Variants in ARHGEF28 observed in about 807,000 individuals in gnomAD.
The protein encoded by ARHGEF28 is Rho guanine nucleotide exchange factor 28.
ARHGEF28 carries 152 observed loss-of-function variants against 206.6 expected under a neutral mutation model. That is an observed-to-expected ratio of 0.74 (90% confidence interval 0.64 to 0.84). ARHGEF28 has a LOEUF of 0.84. Among genes scored for constraint, ARHGEF28 ranks in the 40% least tolerant of loss-of-function variants. ARHGEF28 has a pLI of 0.00. For synonymous variants in ARHGEF28, 763 were observed against 776.4 expected, an observed-to-expected ratio of 0.98 and a Z score of 0.29; for missense variants, 2,028 against 2,073.2, an observed-to-expected ratio of 0.98 and a Z score of 0.42.
intron 2 of ARHGEF28, among the ~76,000 whole-genome samples, chr5:73,690,525 C>CA (rs71615796): frequency 0.12 from 2,719 of 23,358 alleles, 497 homozygotes; most frequent in African/African-American, 0.2. Flanking sequence ...TCTGTCTTTA[C>CA]AAAAAAAAAA....
chr5:73,818,775 T>A (rs73118569), intron 9 of ARHGEF28, among the ~76,000 whole-genome samples: 7,882 of 152,296 alleles, frequency 0.052, 484 homozygotes, highest in East Asian at 0.13. Flanking sequence ...TAAATTTTTC[T>A]TTATTTTTGG....
In ARHGEF28 at chr5:73,857,745, T is replaced by C. The variant is rs1759139929; in HGVS notation, c.1880T>C (p.Met627Thr). Residue 627 changes from methionine (M) to threonine (T), a missense_variant, in exon 15 of 36, where the codon ATG becomes ACG. Physicochemically the swap from Met to Thr is moderately conservative, Grantham distance 81. Coordinates refer to ENST00000513042, the MANE Select transcript of ARHGEF28 (RefSeq NM_001177693.2). The part of the protein sequence containing the change: ...YKVSRTFSFL[M>T]NRMTSPRNKS... ...GTGAGTCGAACTTTCAGTTTCCTCA[T>C]GAATAGGATGACTAGCCCTCGGAAT... The C allele has an allele frequency of 1.9e-6, 3 of 1,613,218 alleles. No homozygotes were observed. The highest frequency in any genetic ancestry group is 1.1e-5 in the South Asian group (1 of 90,970).
chr5:73,878,226 A>T (rs1278045401), intron 22 of ARHGEF28, among the ~76,000 whole-genome samples: 1 of 148,738 alleles, frequency 6.7e-6, no homozygotes, highest in Non-Finnish European at 1.5e-5. Context: ...AGTCTGTTTT[A>T]TCCGAGATTA....
At chr5:73,665,060 A>T (rs1397097376) in intron 1 of ARHGEF28, among the ~76,000 whole-genome samples, 4 of 152,076 alleles carry the variant, frequency 2.6e-5, no homozygotes, top group African/African-American at 9.7e-5. Context: ...TCTGTATGAC[A>T]TTGCTTTCAC....
intron 7 of ARHGEF28, chr5:73,786,592 A>G (rs190148126): frequency 6.0e-4 from 91 of 152,352 alleles, no homozygotes; most frequent in African/African-American, 2.0e-3. Flanking sequence ...CATGCCAGTA[A>G]TAAGCTGACT....
intron 9 of ARHGEF28, among the ~76,000 whole-genome samples, chr5:73,807,565 A>G (rs1228343683): frequency 1.3e-5 from 2 of 151,580 alleles, no homozygotes; most frequent in African/African-American, 4.9e-5. Context: ...GATCACTGCA[A>G]CTTCCACCTC....
chr5:73,651,144 A>G (rs933896890), intron 1 of ARHGEF28, among the ~76,000 whole-genome samples: 6 of 152,192 alleles, frequency 3.9e-5, no homozygotes, highest in African/African-American at 1.4e-4. Flanking sequence ...TTTAACAGTC[A>G]CTGGGTTTGG....
chr5:73,766,150 T>C (rs1480395408), intron 4 of ARHGEF28, among the ~76,000 whole-genome samples: 1 of 136,528 alleles, frequency 7.3e-6, no homozygotes, highest in African/African-American at 3.1e-5. Context: ...CAGGACTCCA[T>C]CTCAAAAAAA....
At chr5:73,730,534 ATTTTTTTT>A (rs968990208) in intron 2 of ARHGEF28, among the ~76,000 whole-genome samples, 2 of 117,396 alleles carry the variant, frequency 1.7e-5, no homozygotes, top group Non-Finnish European at 3.4e-5. Flanking sequence ...CATAAGGAGG[ATTTTTTTT>A]TTTTTTTTTT....
chr5:73,904,010 A>G, intron 31 of ARHGEF28: 1 of 562,722 alleles, frequency 1.8e-6, no homozygotes, highest in Admixed American at 3.4e-5. Context: ...CATCTCAAAC[A>G]TCGACTTTGC....
chr5:73,691,033 A>G (rs1747795263), intron 2 of ARHGEF28, among the ~76,000 whole-genome samples: 2 of 151,942 alleles, frequency 1.3e-5, no homozygotes, highest in Non-Finnish European at 2.9e-5. Context: ...GGGTTCAAGC[A>G]ATCCTCCTGC....
chr5:73,683,032 C>T (rs1747208547), intron 1 of ARHGEF28, among the ~76,000 whole-genome samples: 1 of 152,118 alleles, frequency 6.6e-6, no homozygotes, highest in Non-Finnish European at 1.5e-5. Flanking sequence ...GAGGGCTGGA[C>T]CACTTTCTGG....
chr5:73,683,362 C>T (rs939578434), intron 1 of ARHGEF28, among the ~76,000 whole-genome samples: 4 of 151,988 alleles, frequency 2.6e-5, no homozygotes, highest in African/African-American at 9.7e-5. Context: ...CCTCTGTGTC[C>T]CACCCCTGGC....
rs757668452 is a variant in ARHGEF28 at position 73,909,876 on chromosome 5, G to A, written c.4626G>A (p.Val1542=). The A allele has an allele frequency of 9.2e-6, 14 of 1,518,316 alleles. No individual in the cohort carries two copies. The South Asian group carries it at 1.4e-4, about 16-fold the overall frequency. The allele number at this position is 1,518,316 out of a possible 1,614,324, so 94.1% of individuals were successfully genotyped here. A position where few individuals can be genotyped will look rare whatever the true frequency, so the allele number is the denominator to read the frequency against. The part of the protein sequence containing the change: ...KHGRQRSLPA[V]LLPGGPEVME... ...GCCGGCAGAGGAGCCTGCCCGCGGTGCTCCTTCCGGGTGGCCCCGAGGTAT... is the reference window on the plus strand; with the variant it reads ...GCCGGCAGAGGAGCCTGCCCGCGGTACTCCTTCCGGGTGGCCCCGAGGTAT... The change falls in exon 34 of 36, where the codon GTG becomes GTA. Residue 1542 remains valine (V), a synonymous_variant. Coordinates refer to ENST00000513042, the MANE Select transcript of ARHGEF28 (RefSeq NM_001177693.2).
chr5:73,661,977 C>T (rs1745626231), intron 1 of ARHGEF28, among the ~76,000 whole-genome samples: 1 of 152,106 alleles, frequency 6.6e-6, no homozygotes. Flanking sequence ...CACAAACTTT[C>T]AGTTTGTAAG....
chr5:73,699,712 G>A (rs1356707155), intron 2 of ARHGEF28, among the ~76,000 whole-genome samples: 1 of 152,230 alleles, frequency 6.6e-6, no homozygotes, highest in Non-Finnish European at 1.5e-5. Context: ...GATTATGGCT[G>A]TGGTTATTGA....
chr5:73,881,215 A>G (rs1352855162), intron 22 of ARHGEF28, among the ~76,000 whole-genome samples: 1 of 152,122 alleles, frequency 6.6e-6, no homozygotes, highest in East Asian at 1.9e-4. Context: ...GTAGCTATAT[A>G]ATCTTAGAAG....
chr5:73,794,430 A>G lies in ARHGEF28; in HGVS notation c.939A>G (p.Ser313=). The G allele has an allele frequency of 6.2e-7, 1 of 1,605,156 alleles. No homozygotes were observed. Among genetic ancestry groups the G allele is most frequent in the Non-Finnish European group, 8.5e-7 (1 of 1,175,150 alleles). ...EEIKNSVSSR[S]AAEKEDIKRV... is the part of the protein sequence containing the mutation. ...TTAAGAATTCAGTGTCCAGCAGATC[A>G]GCAGCTGAAAAGGAAGATATAAAGG... Residue 313 remains serine, a synonymous_variant, in exon 8 of 36, where the codon TCA becomes TCG. Transcript: ENST00000513042.
At chr5:73,650,915 A>G (rs1216309125) in intron 1 of ARHGEF28, among the ~76,000 whole-genome samples, 1 of 152,178 alleles carries the variant, frequency 6.6e-6, no homozygotes, top group African/African-American at 2.4e-5. Context: ...TCCCAAAGTT[A>G]TAAATACCTT....
Sources: allele counts gnomAD v4.1 joint callset (sites outside exome capture counted in the v4.1 genomes callset), GRCh38; gene constraint gnomAD v4.1.1; transcripts MANE v1.5; gene names NCBI Gene and HGNC (gene_info 2026-07-23, HGNC 2026-07-21).